The following NKAIN2 variants were observed in gnomAD, a reference collection of about 807,000 sequenced individuals.
NKAIN2 encodes sodium/potassium transporting ATPase interacting 2, also known as sodium/potassium-transporting ATPase subunit beta-1-interacting protein 2.
NKAIN2 carries 14 observed loss-of-function variants against 32.6 expected under a neutral mutation model. That is an observed-to-expected ratio of 0.43 (90% CI 0.28 to 0.67). The LOEUF is 0.67. NKAIN2 is among the 30% of genes least tolerant of loss of function. The pLI is 0.17. For synonymous variants in NKAIN2, 80 were observed against 87.2 expected, an observed-to-expected ratio of 0.92 and a Z score of 0.46; for missense variants, 198 against 258.3, an observed-to-expected ratio of 0.77 and a Z score of 1.60.
chr6:123,875,736 A>G (rs1365542364), intron 1 of NKAIN2, among the ~76,000 whole-genome samples: 3 of 152,150 alleles, frequency 2.0e-5, no homozygotes, highest in Non-Finnish European at 4.4e-5. Flanking sequence ...CTTGTCTTCT[A>G]TAGCTTTACT....
At chr6:124,091,242 A>T (rs1339741203) in intron 1 of NKAIN2, among the ~76,000 whole-genome samples, 5 of 151,988 alleles carry the variant, frequency 3.3e-5, no homozygotes, top group African/African-American at 1.2e-4. Flanking sequence ...CAGACCAAAG[A>T]ACTAACCTAT....
At chr6:124,577,354 C>T (rs1781371325) in intron 3 of NKAIN2, among the ~76,000 whole-genome samples, 1 of 151,534 alleles carries the variant, frequency 6.6e-6, no homozygotes, top group Admixed American at 6.6e-5. Context: ...CTGCACCCCC[C>T]AGCAGCAGCT....
intron 1 of NKAIN2, among the ~76,000 whole-genome samples, chr6:124,018,902 C>G (rs771053795): frequency 7.2e-5 from 11 of 152,092 alleles, no homozygotes; most frequent in Non-Finnish European, 1.6e-4. Context: ...TTAGTCTGTT[C>G]TCATGCTTCT....
At chr6:124,272,008 C>T (rs1319176693) in intron 1 of NKAIN2, among the ~76,000 whole-genome samples, 1 of 152,116 alleles carries the variant, frequency 6.6e-6, no homozygotes, top group Admixed American at 6.5e-5. Flanking sequence ...CAGTTTTATG[C>T]AGTCACAAAG....
chr6:124,329,836 C>A lies in NKAIN2; in HGVS notation c.193-25431C>A, dbSNP rs147905029. Among the ~76,000 whole-genome samples the A allele has an allele frequency of 1.5e-3, 228 of 152,250 alleles. 3 individuals carry two copies. Among genetic ancestry groups the A allele is most frequent in the Non-Finnish European group, 2.8e-4 (19 of 68,016 alleles). ...TTACTATAAAGTATGTCTCTAGTAG[C>A]AATACAGTATTTTCTAAGATCGTAT... On this transcript the variant is annotated intron_variant, in intron 2 of 6. Coordinates refer to ENST00000368417, the MANE Select transcript of NKAIN2 (RefSeq NM_001040214.3).
At chr6:124,082,961 A>G (rs984994935) in intron 1 of NKAIN2, among the ~76,000 whole-genome samples, 1 of 151,990 alleles carries the variant, frequency 6.6e-6, no homozygotes. Flanking sequence ...GGTGATCATT[A>G]TGCCTTTCAT....
At chr6:124,070,438 G>A (rs528307072) in intron 1 of NKAIN2, among the ~76,000 whole-genome samples, 2 of 152,158 alleles carry the variant, frequency 1.3e-5, no homozygotes, top group South Asian at 4.1e-4. Context: ...GTTATACTTG[G>A]ATAGAAACAT....
At chr6:124,759,266 T>C (rs1388778580) in intron 4 of NKAIN2, among the ~76,000 whole-genome samples, 1 of 152,190 alleles carries the variant, frequency 6.6e-6, no homozygotes, top group East Asian at 1.9e-4. Context: ...ACAATGTTAC[T>C]AACTTTACAA....
At chr6:124,552,496 T>C (rs1780327059) in intron 3 of NKAIN2, among the ~76,000 whole-genome samples, 1 of 152,168 alleles carries the variant, frequency 6.6e-6, no homozygotes, top group Non-Finnish European at 1.5e-5. Context: ...TCTATGGAGA[T>C]TCATGGTGTT....
intron 3 of NKAIN2, among the ~76,000 whole-genome samples, chr6:124,587,052 G>A (rs1781736673): frequency 1.3e-5 from 2 of 152,120 alleles, no homozygotes; most frequent in Admixed American, 1.3e-4. Flanking sequence ...GTTCAACAAG[G>A]GGAATGGGGA....
chr6:123,979,181 A>T (rs1472732246), intron 1 of NKAIN2, among the ~76,000 whole-genome samples: 2 of 152,164 alleles, frequency 1.3e-5, no homozygotes, highest in East Asian at 1.9e-4. Context: ...GATCTGGGCA[A>T]TGTGTAACTC....
In NKAIN2 at chr6:124,674,202, C is replaced by G. The variant is rs537824896; in HGVS notation, c.474+15816C>G. Among the ~76,000 whole-genome samples, 10 of 152,002 alleles carry G rather than the reference C, an allele frequency of 6.6e-5. No individual in the cohort carries two copies. In the East Asian group the frequency reaches 1.9e-3, roughly 29 times the overall value. On this transcript the variant is annotated intron_variant, in intron 4 of 6. Coordinates refer to ENST00000368417, the MANE Select transcript of NKAIN2 (RefSeq NM_001040214.3). ...TTGGCTTATTTTGGGGCTCTCTACTCTGTTTCATTAGTCTATATGTATCTG... is the reference window on the plus strand; with the variant it reads ...TTGGCTTATTTTGGGGCTCTCTACTGTGTTTCATTAGTCTATATGTATCTG...
At chr6:124,178,556 C>A (rs1789281775) in intron 1 of NKAIN2, among the ~76,000 whole-genome samples, 1 of 152,118 alleles carries the variant, frequency 6.6e-6, no homozygotes, top group Admixed American at 6.5e-5. Context: ...CTCGGCCTCC[C>A]AAAGTGCTGG....
intron 4 of NKAIN2, among the ~76,000 whole-genome samples, chr6:124,734,834 GA>G (rs1045013776): frequency 4.6e-5 from 7 of 151,872 alleles, no homozygotes; most frequent in African/African-American, 1.7e-4. Flanking sequence ...CCTGTTCCTG[GA>G]AAAAATCATA....
chr6:124,158,015 A>G (rs372852576), intron 1 of NKAIN2, among the ~76,000 whole-genome samples: 1 of 152,202 alleles, frequency 6.6e-6, no homozygotes, highest in East Asian at 1.9e-4. Context: ...CTATTACTGA[A>G]ACCAATATGA....
chr6:123,944,766 T>G (rs1776989344), intron 1 of NKAIN2, among the ~76,000 whole-genome samples: 1 of 152,186 alleles, frequency 6.6e-6, no homozygotes, highest in South Asian at 2.1e-4. Context: ...ACTTTTTTTT[T>G]ATTCAGTAGC....
intron 1 of NKAIN2, among the ~76,000 whole-genome samples, chr6:123,946,531 G>T (rs1777072199): frequency 6.6e-6 from 1 of 152,014 alleles, no homozygotes. Context: ...ATTTTCAGAT[G>T]ATTTGCTTTT....
At chr6:124,285,512 T>C (rs1459420253) in intron 2 of NKAIN2, among the ~76,000 whole-genome samples, 1 of 152,122 alleles carries the variant, frequency 6.6e-6, no homozygotes, top group African/African-American at 2.4e-5. Flanking sequence ...TCAAAAACAA[T>C]TTCCTCTCTC....
At chr6:124,136,707 C>T (rs1786809929) in intron 1 of NKAIN2, among the ~76,000 whole-genome samples, 1 of 152,028 alleles carries the variant, frequency 6.6e-6, no homozygotes, top group Non-Finnish European at 1.5e-5. Context: ...TTAACATATG[C>T]AAGTCAATAA....
Sources: gnomAD v4.1 joint callset for allele counts (sites outside exome capture counted in the v4.1 genomes callset) on GRCh38, gnomAD v4.1.1 for gene constraint, MANE v1.5 for transcripts, NCBI Gene and HGNC (gene_info 2026-07-23, HGNC 2026-07-21) for gene names.